Variants in PDE10A observed in about 807,000 individuals in gnomAD.
The protein encoded by PDE10A is cAMP and cAMP-inhibited cGMP 3',5'-cyclic phosphodiesterase 10A.
In PDE10A, 39 loss-of-function variants were observed where a neutral mutation model predicts 97.7. The observed-to-expected ratio is 0.40, with a 90% CI of 0.31 to 0.52. The LOEUF (loss-of-function observed/expected upper bound fraction) is 0.52, where lower values mean the gene tolerates loss of function less well. Among genes scored for constraint, PDE10A ranks in the 20% least tolerant of loss-of-function variants. The pLI, the probability that PDE10A is intolerant of heterozygous loss-of-function variation, is 0.56. For synonymous variants in PDE10A, 371 were observed against 376.8 expected, an observed-to-expected ratio of 0.98 and a Z score of 0.18; for missense variants, 731 against 1,047.8, an observed-to-expected ratio of 0.70 and a Z score of 4.17.
chr6:165,412,499 A>T (rs1409449737), intron 13 of PDE10A, among the ~76,000 whole-genome samples: 1 of 152,216 alleles, frequency 6.6e-6, no homozygotes, highest in African/African-American at 2.4e-5. Flanking sequence ...AAATGTTTGA[A>T]GCAAAAGTGT....
intron 1 of PDE10A, among the ~76,000 whole-genome samples, chr6:165,720,865 A>G (rs562504773): frequency 1.4e-4 from 21 of 152,320 alleles, no homozygotes; most frequent in African/African-American, 3.4e-4. Context: ...GCCAGGCCAT[A>G]TATGGAGTTT....
At position 165,885,558 on chromosome 6, in the gene PDE10A, G is replaced by C. The variant is rs1029129613; in HGVS notation, c.-615+101971C>G. On this transcript the variant is annotated intron_variant, in intron 1 of 19. Coordinates refer to the PDE10A transcript ENST00000366882. ...CAGTGGGTGAGGATGAGGTGGGAAC[G>C]GCAGCAAAGTGAAGCTCTCCCCCAT... is the stretch of plus-strand genomic sequence containing the variant. Among the ~76,000 whole-genome samples, 5 of 152,200 alleles carry C rather than the reference G, an allele frequency of 3.3e-5. No homozygotes were observed. The South Asian group carries it at 8.3e-4, about 25-fold the overall frequency.
intron 1 of PDE10A, among the ~76,000 whole-genome samples, chr6:165,581,724 G>A (rs1487468468): frequency 6.6e-6 from 1 of 152,172 alleles, no homozygotes; most frequent in Non-Finnish European, 1.5e-5. Context: ...ATTTTGCTTT[G>A]ATTATTCTGG....
chr6:165,494,463 G>GGT (rs1300812450), intron 2 of PDE10A, among the ~76,000 whole-genome samples: 2 of 146,490 alleles, frequency 1.4e-5, no homozygotes, highest in East Asian at 2.0e-4. Flanking sequence ...TGTGGGGGGG[G>GGT]GTGTGTGTGT....
At chr6:165,755,400 G>A (rs900746389) in intron 1 of PDE10A, among the ~76,000 whole-genome samples, 1 of 152,174 alleles carries the variant, frequency 6.6e-6, no homozygotes, top group African/African-American at 2.4e-5. Flanking sequence ...GTTGCCCTGG[G>A]GAAATGTCTT....
chr6:165,422,895 T>C (rs1236050700), intron 10 of PDE10A, among the ~76,000 whole-genome samples: 1 of 151,970 alleles, frequency 6.6e-6, no homozygotes, highest in Non-Finnish European at 1.5e-5. Context: ...TATAAAAATA[T>C]TTATATATCT....
chr6:165,640,813 T>A (rs1177891165), intron 1 of PDE10A, among the ~76,000 whole-genome samples: 1 of 152,274 alleles, frequency 6.6e-6, no homozygotes, highest in Non-Finnish European at 1.5e-5. Context: ...GTTTACATAA[T>A]TGGCCAAGAA....
At chr6:165,533,797 A>ATTTGTT (rs1312106792) in intron 2 of PDE10A, among the ~76,000 whole-genome samples, 1 of 152,122 alleles carries the variant, frequency 6.6e-6, no homozygotes, top group Non-Finnish European at 1.5e-5. Flanking sequence ...TAGGGTTTTA[A>ATTTGTT]TTTGTTTTTA....
chr6:165,912,707 C>G (rs1782496424), intron 1 of PDE10A, among the ~76,000 whole-genome samples: 1 of 152,000 alleles, frequency 6.6e-6, no homozygotes, highest in African/African-American at 2.4e-5. Flanking sequence ...GTTAATGAAC[C>G]AATAACATAA....
At chr6:165,916,778 T>A (rs1782616497) in intron 1 of PDE10A, among the ~76,000 whole-genome samples, 1 of 152,202 alleles carries the variant, frequency 6.6e-6, no homozygotes, top group Non-Finnish European at 1.5e-5. Context: ...CAATTCTCTC[T>A]TTTAGGTGGT....
chr6:165,357,311 A>G (rs1783090214), intron 18 of PDE10A, among the ~76,000 whole-genome samples: 1 of 152,178 alleles, frequency 6.6e-6, no homozygotes, highest in Non-Finnish European at 1.5e-5. Context: ...ATATATGGTC[A>G]TGAGTTTTAT....
intron 1 of PDE10A, among the ~76,000 whole-genome samples, chr6:165,882,320 T>C (rs1280593581): frequency 6.6e-6 from 1 of 152,242 alleles, no homozygotes; most frequent in Non-Finnish European, 1.5e-5. Flanking sequence ...TTCCTAAACC[T>C]GGTGTCCAAG....
chr6:165,386,164 G>A (rs1385058173), intron 17 of PDE10A, among the ~76,000 whole-genome samples: 2 of 152,088 alleles, frequency 1.3e-5, no homozygotes, highest in Non-Finnish European at 2.9e-5. Flanking sequence ...CGGAGGGTTT[G>A]CCAAAATGGA....
At chr6:165,689,670 G>A (rs1582933528) in intron 1 of PDE10A, among the ~76,000 whole-genome samples, 1 of 152,280 alleles carries the variant, frequency 6.6e-6, no homozygotes, top group African/African-American at 2.4e-5. Context: ...CGCCGTGAGC[G>A]GAAGCTTCCT....
At chr6:165,961,618 T>A (rs950465229) in intron 1 of PDE10A, among the ~76,000 whole-genome samples, 5 of 152,210 alleles carry the variant, frequency 3.3e-5, no homozygotes, top group African/African-American at 1.2e-4. Context: ...CTTGGAAAGC[T>A]GTGCCATCAC....
intron 1 of PDE10A, among the ~76,000 whole-genome samples, chr6:165,768,835 G>A (rs895820766): frequency 2.4e-4 from 37 of 152,170 alleles, no homozygotes; most frequent in Non-Finnish European, 3.1e-4. Context: ...CTTGGTGATC[G>A]TAATCATCTT....
chr6:165,893,453 A>T (rs1170127966), intron 1 of PDE10A, among the ~76,000 whole-genome samples: 1 of 152,238 alleles, frequency 6.6e-6, no homozygotes, highest in East Asian at 1.9e-4. Flanking sequence ...TCGACATTTA[A>T]CCAGAATGTG....
At chr6:165,760,260 A>G (rs76846957) in intron 1 of PDE10A, among the ~76,000 whole-genome samples, 53 of 152,284 alleles carry the variant, frequency 3.5e-4, no homozygotes, top group African/African-American at 1.2e-3. Flanking sequence ...TTATTCCTAC[A>G]CTATCTGGCA....
chr6:165,424,272 A>G, intron 10 of PDE10A, among the ~76,000 whole-genome samples: 1 of 152,198 alleles, frequency 6.6e-6, no homozygotes, highest in East Asian at 1.9e-4. Context: ...CTAGTTTCAT[A>G]GTTATGTTGA....
Sources: gnomAD v4.1 joint callset for allele counts (sites outside exome capture counted in the v4.1 genomes callset) on GRCh38, gnomAD v4.1.1 for gene constraint, MANE v1.5 for transcripts, NCBI Gene and HGNC (gene_info 2026-07-23, HGNC 2026-07-21) for gene names.